FXN: variants seen among roughly 807,000 people sequenced by gnomAD.
FXN encodes the protein frataxin, mitochondrial.
FXN carries 14 observed loss-of-function variants against 22.4 expected under a neutral mutation model. The observed-to-expected ratio is 0.62, with a 90% confidence interval of 0.41 to 0.98. The LOEUF is 0.98. Among genes scored for constraint, FXN ranks in the 50% least tolerant of loss-of-function variants. The pLI is 0.00. For synonymous variants in FXN, 120 were observed against 114.1 expected (o/e 1.05, Z -0.33); for missense variants, 267 against 268.4 (o/e 0.99, Z 0.04).
At position 69,077,917 on chromosome 9, in the gene FXN, G is replaced by A; in HGVS notation, c.*5155G>A. 1 of 976,286 alleles carries A rather than the reference G, an allele frequency of 1.0e-6. No homozygotes were observed. The highest frequency in any genetic ancestry group is 1.2e-6 in the Non-Finnish European group (1 of 821,870). The allele number at this position is 976,286 out of a possible 1,614,324, so 60.5% of individuals were successfully genotyped here. On this transcript the variant is annotated 3_prime_UTR_variant, in exon 5 of 5. Coordinates refer to ENST00000484259, the MANE Select transcript of FXN (RefSeq NM_000144.5). ...TGCACTCCAGCCTGGGTGACAAGAG[G>A]GAAACTCCATTAAAAAAATGTAATT...
intron 2 of FXN, among the ~76,000 whole-genome samples, chr9:69,047,571 C>T (rs1831781426): frequency 6.6e-6 from 1 of 152,182 alleles, no homozygotes; most frequent in Non-Finnish European, 1.5e-5. Flanking sequence ...TTTTCCTTGG[C>T]CACAAGGCAG....
rs1244488000 is a variant in FXN at position 69,073,279 on chromosome 9, C to T, written c.*517C>T. On this transcript the variant is annotated 3_prime_UTR_variant, in exon 5 of 5. Coordinates refer to ENST00000484259, the MANE Select transcript of FXN (RefSeq NM_000144.5). ...TCTGAGCTCTTTAGCATTGAAGTGT[C>T]GAAAGCAACTCACACGGGAAGATCA... 4 of 1,004,482 alleles carry T rather than the reference C, an allele frequency of 4.0e-6. No individual in the cohort carries two copies. The African/African-American group carries it at 5.2e-5, about 13-fold the overall frequency. The allele number at this position is 1,004,482 out of a possible 1,614,324, so 62.2% of individuals were successfully genotyped here.
At chr9:69,036,366 C>G (rs1019304725) in intron 1 of FXN, among the ~76,000 whole-genome samples, 2 of 152,174 alleles carry the variant, frequency 1.3e-5, no homozygotes, top group Non-Finnish European at 2.9e-5. Flanking sequence ...CTGTGTGTAT[C>G]TGTATATAGC....
chr9:69,040,157 A>G (rs1400356362), intron 1 of FXN, among the ~76,000 whole-genome samples: 3 of 152,184 alleles, frequency 2.0e-5, no homozygotes, highest in Non-Finnish European at 4.4e-5. Context: ...GCTGTCTCTT[A>G]AATGACTCAA....
intron 2 of FXN, 102 bp downstream of exon 2, chr9:69,046,584 A>G (rs1039970811): frequency 2.5e-6 from 2 of 784,730 alleles, no homozygotes; most frequent in Admixed American, 2.0e-5. Flanking sequence ...AATCTTAGGC[A>G]TCTTTCCATG....
At chr9:69,059,046 C>T (rs973811549) in intron 3 of FXN, among the ~76,000 whole-genome samples, 4 of 151,342 alleles carry the variant, frequency 2.6e-5, no homozygotes, top group Non-Finnish European at 4.4e-5. Context: ...CCAGCCTGGG[C>T]GACAGAGCGA....
At position 69,074,791 on chromosome 9, in the gene FXN, G is replaced by A. The variant is rs1221572651; in HGVS notation, c.*2029G>A. The A allele has an allele frequency of 2.0e-5, 19 of 930,274 alleles. No homozygotes were observed. The highest frequency in any genetic ancestry group is 2.4e-5 in the Non-Finnish European group (19 of 779,968). The allele number at this position is 930,274 out of a possible 1,614,324, so 57.6% of individuals were successfully genotyped here. A position where few individuals can be genotyped will look rare whatever the true frequency, so the allele number is the denominator to read the frequency against. On this transcript the variant is annotated 3_prime_UTR_variant, in exon 5 of 5. Transcript: ENST00000484259. ...AAACAGTATAAACAAAAGCTAAATA[G>A]GTAAAATATTTTTTCTGAAATAAAA...
rs1832313762 is a variant in FXN at position 69,073,636 on chromosome 9, A to T, written c.*874A>T. On this transcript the variant is annotated 3_prime_UTR_variant, in exon 5 of 5. Coordinates refer to ENST00000484259, the MANE Select transcript of FXN (RefSeq NM_000144.5). Reference sequence around the variant, plus strand: ...AGAGCCCTGGTCCTAGACATAGTTCAGCCACAAAGTAGTTGTCCCTTTGTG... The same window carrying T: ...AGAGCCCTGGTCCTAGACATAGTTCTGCCACAAAGTAGTTGTCCCTTTGTG... 1.0e-6 allele frequency: 1 copy of T among 985,294 alleles called. No homozygotes were observed. The allele number at this position is 985,294 out of a possible 1,614,324, so 61.0% of individuals were successfully genotyped here.
chr9:69,058,920 T>C (rs1206691153), intron 3 of FXN, among the ~76,000 whole-genome samples: 1 of 151,874 alleles, frequency 6.6e-6, no homozygotes, highest in Non-Finnish European at 1.5e-5. Context: ...TGCAAAAACT[T>C]AGCCGGGCGT....
At position 69,075,715 on chromosome 9, in the gene FXN, C is replaced by T; in HGVS notation, c.*2953C>T. On this transcript the variant is annotated 3_prime_UTR_variant, in exon 5 of 5. Coordinates refer to ENST00000484259, the MANE Select transcript of FXN (RefSeq NM_000144.5). ...GAGGTGAGGAATTGCATAATACAATCTTAGAAAACTTTTTTTTCCCCTTTC... is the reference window on the plus strand; with the variant it reads ...GAGGTGAGGAATTGCATAATACAATTTTAGAAAACTTTTTTTTCCCCTTTC... The T allele has an allele frequency of 3.0e-6, 3 of 985,030 alleles. No individual in the cohort carries two copies. The highest frequency in any genetic ancestry group is 3.6e-6 in the Non-Finnish European group (3 of 829,584). The allele number at this position is 985,030 out of a possible 1,614,324, so 61.0% of individuals were successfully genotyped here.
At chr9:69,039,859 CA>C (rs542070478) in intron 1 of FXN, among the ~76,000 whole-genome samples, 278 of 152,292 alleles carry the variant, frequency 1.8e-3, no homozygotes, top group Non-Finnish European at 3.2e-3. Context: ...AGTCCAAAGT[CA>C]AGTCCCTTCT....
At chr9:69,057,582 T>G (rs1358575998) in intron 3 of FXN, among the ~76,000 whole-genome samples, 1 of 152,194 alleles carries the variant, frequency 6.6e-6, no homozygotes, top group African/African-American at 2.4e-5. Flanking sequence ...CATCTATAGT[T>G]TGGACTTGTG....
chr9:69,074,329 T>G lies in FXN; in HGVS notation c.*1567T>G. On this transcript the variant is annotated 3_prime_UTR_variant, in exon 5 of 5. Coordinates refer to ENST00000484259, the MANE Select transcript of FXN (RefSeq NM_000144.5). ...CAACAAGCCTCCAGGACATTAAAAT[T>G]CATGCAAAGTTATGCTCATGTTATA... 2 of 985,390 alleles carry G rather than the reference T, an allele frequency of 2.0e-6. No homozygotes were observed. The highest frequency in any genetic ancestry group is 3.5e-5 in the African/African-American group (2 of 57,340). 61.0% of individuals were successfully genotyped at this position (985,390 alleles called of 1,614,324 possible). A position where few individuals can be genotyped will look rare whatever the true frequency, so the allele number is the denominator to read the frequency against.
In FXN at chr9:69,046,509, A is replaced by C. The variant is rs973453532; in HGVS notation, c.263+27A>C. The C allele has an allele frequency of 6.6e-6, 10 of 1,503,790 alleles. No individual in the cohort carries two copies. The African/African-American group carries it at 1.2e-4, about 19-fold the overall frequency. 93.2% of individuals were successfully genotyped at this position (1,503,790 alleles called of 1,614,324 possible). On this transcript the variant is annotated intron_variant, in intron 2 of 4. Transcript: ENST00000484259. ...TAAGATAAAACACCTTCCACGTCAT[A>C]GGTATCTTCCTCTCTCCTTCCCTGC...
chr9:69,075,048 G>A lies in FXN; in HGVS notation c.*2286G>A. ...ATGAAAGTGGAAGTTAAGGAATCTG[G>A]GCTCTTATGGGGTCCTTGTGGGCCA... On this transcript the variant is annotated 3_prime_UTR_variant, in exon 5 of 5. Transcript: ENST00000484259. 6.1e-6 allele frequency: 6 copies of A among 985,384 alleles called. No individual in the cohort carries two copies. Among genetic ancestry groups the A allele is most frequent in the Non-Finnish European group, 7.2e-6 (6 of 829,944 alleles). 61.0% of individuals were successfully genotyped at this position (985,384 alleles called of 1,614,324 possible). A position where few individuals can be genotyped will look rare whatever the true frequency, so the allele number is the denominator to read the frequency against.
chr9:69,039,277 A>G (rs898522917), intron 1 of FXN, among the ~76,000 whole-genome samples: 2 of 151,980 alleles, frequency 1.3e-5, no homozygotes, highest in African/African-American at 2.4e-5. Flanking sequence ...AAAGGCTCCT[A>G]ATAACTTTAT....
rs7874989 is a variant in FXN at position 69,075,585 on chromosome 9, A to G, written c.*2823A>G. ...TGTGTGTACCAATAGCCTCCCCACC[A>G]CAGACCCTGGGAGCATCGCCTCATT... On this transcript the variant is annotated 3_prime_UTR_variant, in exon 5 of 5. Transcript: ENST00000484259. 0.47 allele frequency: 464,283 copies of G among 983,650 alleles called. 110,839 individuals are homozygous for G. Among genetic ancestry groups the G allele is most frequent in the East Asian group, 0.65 (5,704 of 8,784 alleles). The allele number at this position is 983,650 out of a possible 1,614,324, so 60.9% of individuals were successfully genotyped here. A position where few individuals can be genotyped will look rare whatever the true frequency, so the allele number is the denominator to read the frequency against.
At chr9:69,069,804 G>A (rs915165248) in intron 4 of FXN, among the ~76,000 whole-genome samples, 1 of 152,184 alleles carries the variant, frequency 6.6e-6, no homozygotes, top group African/African-American at 2.4e-5. Context: ...CCTACTGCCC[G>A]ACCTCTAGCA....
intron 1 of FXN, among the ~76,000 whole-genome samples, chr9:69,040,729 A>G (rs1831642556): frequency 2.0e-5 from 3 of 152,174 alleles, no homozygotes; most frequent in Admixed American, 1.3e-4. Context: ...AATAAATGCT[A>G]TGGTCTGCAT....
Sources: allele counts gnomAD v4.1 joint callset (sites outside exome capture counted in the v4.1 genomes callset), GRCh38; gene constraint gnomAD v4.1.1; transcripts MANE v1.5; gene names NCBI Gene and HGNC (gene_info 2026-07-23, HGNC 2026-07-21).